Variants in SBF2 observed in about 807,000 individuals in gnomAD.
SBF2 encodes the protein myotubularin-related protein 13.
Under a neutral mutation model 225.2 loss-of-function variants are expected in SBF2, and 112 were observed. The ratio of observed to expected loss-of-function variants is 0.50; its 90% CI spans 0.43 to 0.58. The LOEUF (loss-of-function observed/expected upper bound fraction) is 0.58. Ranked by LOEUF, SBF2 falls within the 20% of genes least tolerant of loss-of-function variation. SBF2 has a pLI of 0.00. For synonymous variants in SBF2, 763 were observed against 773.3 expected (o/e 0.99, Z 0.22); for missense variants, 1,996 against 2,206.2 (o/e 0.90, Z 1.91).
At chr11:10,122,283 G>C (rs147908252) in intron 2 of SBF2, among the ~76,000 whole-genome samples, 139 of 152,278 alleles carry the variant, frequency 9.1e-4, no homozygotes, top group Admixed American at 1.8e-3. Flanking sequence ...GATGAAAAAG[G>C]CATTAAATTT....
intron 24 of SBF2, among the ~76,000 whole-genome samples, chr11:9,843,227 A>G (rs1856292349): frequency 6.6e-6 from 1 of 152,216 alleles, no homozygotes; most frequent in Non-Finnish European, 1.5e-5. Flanking sequence ...CTTTGAGATC[A>G]TATGGCCTTC....
chr11:10,088,521 T>C (rs1182405972), intron 2 of SBF2, among the ~76,000 whole-genome samples: 1 of 152,190 alleles, frequency 6.6e-6, no homozygotes, highest in Non-Finnish European at 1.5e-5. Flanking sequence ...AGATTAGCCA[T>C]CTGGTGAGGG....
chr11:9,796,271 T>G (rs1400090089), intron 32 of SBF2, among the ~76,000 whole-genome samples: 1 of 152,122 alleles, frequency 6.6e-6, no homozygotes, highest in Non-Finnish European at 1.5e-5. Flanking sequence ...ATTAAGACAT[T>G]TACCCAATGA....
At chr11:10,048,105 T>C (rs1949935320) in intron 2 of SBF2, among the ~76,000 whole-genome samples, 1 of 152,174 alleles carries the variant, frequency 6.6e-6, no homozygotes. Flanking sequence ...CTGTGGAGGA[T>C]TGGTTCCAGG....
intron 1 of SBF2, among the ~76,000 whole-genome samples, chr11:10,223,976 T>G (rs76442643): frequency 5.5e-4 from 84 of 152,290 alleles, no homozygotes; most frequent in African/African-American, 2.0e-3. Context: ...ATCTTTACAT[T>G]TGTTTACATT....
At chr11:9,889,218 T>A (rs1860593612) in intron 17 of SBF2, among the ~76,000 whole-genome samples, 1 of 152,232 alleles carries the variant, frequency 6.6e-6, no homozygotes, top group Admixed American at 6.5e-5. Context: ...CAGTTAGATT[T>A]ACACAAATGA....
At chr11:10,268,938 G>C (rs995236638) in intron 1 of SBF2, among the ~76,000 whole-genome samples, 2 of 152,108 alleles carry the variant, frequency 1.3e-5, no homozygotes, top group African/African-American at 4.8e-5. Context: ...CAGCCCCTTA[G>C]CATCTTCGTC....
chr11:10,216,768 G>T (rs908019628), intron 1 of SBF2, among the ~76,000 whole-genome samples: 1 of 152,164 alleles, frequency 6.6e-6, no homozygotes, highest in African/African-American at 2.4e-5. Context: ...TACTCGTGAG[G>T]CTGAGGCAGG....
intron 1 of SBF2, among the ~76,000 whole-genome samples, chr11:10,259,892 T>G (rs1348925168): frequency 6.6e-6 from 1 of 152,194 alleles, no homozygotes; most frequent in Non-Finnish European, 1.5e-5. Flanking sequence ...TCTTGAGGAC[T>G]TTTAATAACA....
intron 1 of SBF2, among the ~76,000 whole-genome samples, chr11:10,200,931 A>G (rs1320178156): frequency 6.6e-6 from 1 of 152,202 alleles, no homozygotes; most frequent in Non-Finnish European, 1.5e-5. Flanking sequence ...TCCCGATAAT[A>G]ATCAAAATTT....
intron 17 of SBF2, among the ~76,000 whole-genome samples, chr11:9,881,530 AC>A (rs1385251049): frequency 6.6e-6 from 1 of 152,090 alleles, no homozygotes; most frequent in Non-Finnish European, 1.5e-5. Context: ...CTGTCCAGAT[AC>A]TTTTCCCCCG....
At chr11:9,814,505 A>G (rs942557345) in intron 29 of SBF2, among the ~76,000 whole-genome samples, 6 of 152,204 alleles carry the variant, frequency 3.9e-5, no homozygotes, top group African/African-American at 1.2e-4. Flanking sequence ...TGGTATCTCA[A>G]TTAAAAAAAA....
At chr11:10,276,553 C>T (rs907258852) in intron 1 of SBF2, among the ~76,000 whole-genome samples, 2 of 152,136 alleles carry the variant, frequency 1.3e-5, no homozygotes, top group African/African-American at 2.4e-5. Context: ...CCTCCCAGTC[C>T]CCACAATGTA....
chr11:10,131,973 T>C (rs1026675219), intron 2 of SBF2, among the ~76,000 whole-genome samples: 1 of 152,250 alleles, frequency 6.6e-6, no homozygotes, highest in South Asian at 2.1e-4. Context: ...CTAAAAGTTT[T>C]ATAGTTTTAC....
At chr11:10,264,389 T>C (rs569332361) in intron 1 of SBF2, among the ~76,000 whole-genome samples, 21 of 152,206 alleles carry the variant, frequency 1.4e-4, no homozygotes, top group African/African-American at 4.6e-4. Context: ...TATAGGGAGA[T>C]GCATGCTTGA....
intron 17 of SBF2, among the ~76,000 whole-genome samples, chr11:9,875,761 A>G (rs111750997): frequency 1.3e-4 from 20 of 152,350 alleles, no homozygotes; most frequent in African/African-American, 4.8e-4. Flanking sequence ...GAGGGGTAGG[A>G]GAAATTGAAA....
intron 1 of SBF2, among the ~76,000 whole-genome samples, chr11:10,285,096 G>C (rs1256183914): frequency 6.6e-6 from 1 of 152,118 alleles, no homozygotes; most frequent in Non-Finnish European, 1.5e-5. Context: ...GACTGCTTGA[G>C]GCCAGGAGTT....
chr11:9,990,601 A>G (rs1394596525), intron 12 of SBF2, among the ~76,000 whole-genome samples: 1 of 152,210 alleles, frequency 6.6e-6, no homozygotes, highest in East Asian at 1.9e-4. Context: ...ATTAGCTGGC[A>G]GTCAAGTAAC....
intron 17 of SBF2, among the ~76,000 whole-genome samples, chr11:9,870,847 G>A (rs546086903): frequency 3.3e-5 from 5 of 151,968 alleles, no homozygotes; most frequent in South Asian, 2.1e-4. Flanking sequence ...GGTGGCGCAC[G>A]CCTGTAGTCC....
Sources: gnomAD v4.1 joint callset for allele counts (sites outside exome capture counted in the v4.1 genomes callset) on GRCh38, gnomAD v4.1.1 for gene constraint, MANE v1.5 for transcripts, NCBI Gene and HGNC (gene_info 2026-07-23, HGNC 2026-07-21) for gene names.